TSPAN18: variants seen among roughly 807,000 people sequenced by gnomAD.
TSPAN18 encodes the protein tetraspanin-18.
Under a neutral mutation model 27.3 loss-of-function variants are expected in TSPAN18, and 14 were observed. The observed-to-expected ratio is 0.51, with a 90% confidence interval of 0.34 to 0.80. TSPAN18 has a LOEUF of 0.80. TSPAN18 is among the 30% of genes least tolerant of loss of function. The pLI is 0.01. For missense variants in TSPAN18, 268 were observed against 323.9 expected (o/e 0.83, Z 1.32); for synonymous variants, 143 against 136.5 (o/e 1.05, Z -0.33).
chr11:44,848,953 A>G (rs1250639983), intron 2 of TSPAN18, among the ~76,000 whole-genome samples: 1 of 152,216 alleles, frequency 6.6e-6, no homozygotes, highest in Non-Finnish European at 1.5e-5. Context: ...GTTCAAGTCC[A>G]AGTGCAGCCA....
intron 2 of TSPAN18, among the ~76,000 whole-genome samples, chr11:44,790,546 TTGTGTGTGCATGTGTTCGTG>T (rs1271350986): frequency 4.8e-5 from 6 of 124,076 alleles, no homozygotes; most frequent in African/African-American, 1.3e-4. Flanking sequence ...GTGTGCATGT[TTGTGTGTGCATGTGTTCGTG>T]TGTGTGTGCA....
At chr11:44,866,637 C>G (rs572043225) in intron 3 of TSPAN18, among the ~76,000 whole-genome samples, 3 of 152,230 alleles carry the variant, frequency 2.0e-5, no homozygotes, top group African/African-American at 7.2e-5. Context: ...AAGAGCTGTT[C>G]CGGGAACAGG....
intron 1 of TSPAN18, among the ~76,000 whole-genome samples, chr11:44,734,278 C>A (rs1047991368): frequency 4.6e-5 from 7 of 152,218 alleles, no homozygotes; most frequent in African/African-American, 1.4e-4. Context: ...TGTAGCAACA[C>A]ACACGGACTA....
chr11:44,912,168 C>T (rs1193776357), intron 5 of TSPAN18, among the ~76,000 whole-genome samples: 3 of 151,916 alleles, frequency 2.0e-5, no homozygotes, highest in East Asian at 1.9e-4. Flanking sequence ...AACACAGGCA[C>T]GTACTGTCAC....
At chr11:44,841,347 A>G (rs1857369722) in intron 2 of TSPAN18, among the ~76,000 whole-genome samples, 1 of 152,068 alleles carries the variant, frequency 6.6e-6, no homozygotes, top group Admixed American at 6.6e-5. Flanking sequence ...TGAAACCCCC[A>G]TCTCTATTAA....
Position 44,897,757 on chromosome 11 carries a change from C to T in TSPAN18, c.-10-8650C>T, listed in dbSNP as rs1317556106. The T allele has an allele frequency of 2.0e-5, 26 of 1,288,196 alleles. No homozygotes were observed. The East Asian group carries it at 1.4e-3, about 71-fold the overall frequency. The allele number at this position is 1,288,196 out of a possible 1,614,324, so 79.8% of individuals were successfully genotyped here. ...ATTTTCTCTTATTGGACAAGCTGGG[C>T]CGATAAAAGAAATATACACAAGCCT... On this transcript the variant is annotated intron_variant, in intron 3 of 9. Transcript: ENST00000520358.
At chr11:44,890,267 T>C (rs1858800037) in intron 3 of TSPAN18, among the ~76,000 whole-genome samples, 1 of 152,240 alleles carries the variant, frequency 6.6e-6, no homozygotes, top group Non-Finnish European at 1.5e-5. Context: ...AAGGGATTGG[T>C]GAACTTTGAG....
At chr11:44,846,173 T>C (rs561279132) in intron 2 of TSPAN18, among the ~76,000 whole-genome samples, 1 of 152,298 alleles carries the variant, frequency 6.6e-6, no homozygotes, top group East Asian at 1.9e-4. Context: ...GTGAGGACAT[T>C]GAGGCTCAGA....
At chr11:44,781,802 T>C (rs1855945551) in intron 2 of TSPAN18, among the ~76,000 whole-genome samples, 1 of 152,182 alleles carries the variant, frequency 6.6e-6, no homozygotes, top group Non-Finnish European at 1.5e-5. Context: ...AGATAGAAAT[T>C]TTCCATCAGC....
At chr11:44,888,946 C>T in intron 3 of TSPAN18, among the ~76,000 whole-genome samples, 1 of 152,182 alleles carries the variant, frequency 6.6e-6, no homozygotes, top group East Asian at 1.9e-4. Context: ...GCAGTTTCCG[C>T]CATGTTGTTC....
chr11:44,787,503 C>T (rs963693196), intron 2 of TSPAN18, among the ~76,000 whole-genome samples: 5 of 152,202 alleles, frequency 3.3e-5, no homozygotes, highest in Non-Finnish European at 7.3e-5. Flanking sequence ...TGATTCTCAT[C>T]CTCTTAGACA....
In TSPAN18 at chr11:44,926,742, G is replaced by C. The variant is rs752513709; in HGVS notation, c.684G>C (p.Gly228=). 1.9e-6 allele frequency: 3 copies of C among 1,614,006 alleles called. No homozygotes were observed. Among genetic ancestry groups the C allele is most frequent in the African/African-American group, 2.7e-5 (2 of 74,908 alleles). Residue 228 remains glycine, a synonymous_variant, in exon 9 of 10, where the codon GGG becomes GGC. Coordinates refer to ENST00000520358, the MANE Select transcript of TSPAN18 (RefSeq NM_130783.5). ...YVYLAGALAI[G]VLAIELFAMI... ...ACTTGGCCGGAGCCCTTGCCATCGG[G>C]GTACTGGCCATCGAGGTAAGTAAAG... is the stretch of plus-strand genomic sequence containing the variant.
rs190996832 is a variant in TSPAN18 at position 44,784,488 on chromosome 11, C to T, written c.-153+19976C>T. Among the ~76,000 whole-genome samples the T allele has an allele frequency of 2.3e-3, 351 of 152,314 alleles. 2 individuals carry two copies. The highest frequency in any genetic ancestry group is 4.1e-3 in the Non-Finnish European group (280 of 68,022). On this transcript the variant is annotated intron_variant, in intron 2 of 9. Transcript: ENST00000520358. ...TATTCAGGCATGAATGCCCCTAGGT[C>T]GGCCCCGCAAACTGGGTTGGACTCC...
chr11:44,801,011 C>T (rs1856467924), intron 2 of TSPAN18, among the ~76,000 whole-genome samples: 1 of 152,176 alleles, frequency 6.6e-6, no homozygotes, highest in African/African-American at 2.4e-5. Flanking sequence ...TCTTCTGACC[C>T]CTAGGCTGAA....
chr11:44,731,596 TTGTG>T (rs796756282), intron 1 of TSPAN18, among the ~76,000 whole-genome samples: 190 of 117,954 alleles, frequency 1.6e-3, no homozygotes, highest in Admixed American at 3.9e-3. Context: ...GGGGCCTGGA[TTGTG>T]TGTGTGTGTG....
At chr11:44,726,868 C>A (rs1266302183), upstream of TSPAN18, 1 of 6,572 alleles carries the variant, frequency 1.5e-4, no homozygotes, top group Non-Finnish European at 3.6e-4. Flanking sequence ...CGTCTGGAGC[C>A]GGGAGGGGCG....
At chr11:44,760,610 C>T (rs889382578) in intron 1 of TSPAN18, among the ~76,000 whole-genome samples, 3 of 152,178 alleles carry the variant, frequency 2.0e-5, no homozygotes, top group South Asian at 4.1e-4. Context: ...GGGCCTCATC[C>T]AGGACACTGA....
chr11:44,852,004 C>T (rs536682169), intron 2 of TSPAN18, among the ~76,000 whole-genome samples: 4 of 152,178 alleles, frequency 2.6e-5, no homozygotes, highest in Non-Finnish European at 5.9e-5. Flanking sequence ...TGTGCCCTCC[C>T]CCAATGCCTG....
chr11:44,917,917 C>A, intron 5 of TSPAN18, 55 bp from the exon 6 acceptor site: 1 of 1,572,294 alleles, frequency 6.4e-7, no homozygotes, highest in Non-Finnish European at 8.7e-7. Flanking sequence ...TGGCCAGTGG[C>A]CGCCCCATCC....
Sources: gnomAD v4.1 joint callset for allele counts (sites outside exome capture counted in the v4.1 genomes callset) on GRCh38, gnomAD v4.1.1 for gene constraint, MANE v1.5 for transcripts, NCBI Gene and HGNC (gene_info 2026-07-23, HGNC 2026-07-21) for gene names.